The following PIEZO1 variants were observed in gnomAD, a reference collection of about 807,000 sequenced individuals.
PIEZO1 encodes piezo-type mechanosensitive ion channel component 1.
PIEZO1 carries 296 observed loss-of-function variants against 297.2 expected under a neutral mutation model. The observed-to-expected ratio is 1.00, with a 90% confidence interval of 0.91 to 1.10. The LOEUF (loss-of-function observed/expected upper bound fraction) is 1.10. PIEZO1 is among the 50% of genes least tolerant of loss of function. The pLI is 0.00. For missense variants in PIEZO1, 5,018 were observed against 3,455.5 expected (o/e 1.45, Z -11.34); for synonymous variants, 2,427 against 1,507.5 (o/e 1.61, Z -14.13).
chr16:88,758,357 G>C (rs1267894687), intron 1 of PIEZO1, among the ~76,000 whole-genome samples: 1 of 152,152 alleles, frequency 6.6e-6, no homozygotes, highest in Non-Finnish European at 1.5e-5. Flanking sequence ...TCCCAGCCTT[G>C]GCCCCAGCAG....
chr16:88,721,187 G>T lies in PIEZO1; in HGVS notation c.5647C>A (p.Arg1883=), dbSNP rs200031013. Residue 1883 remains arginine, a synonymous_variant, in exon 39 of 51, where the codon CGG becomes AGG. Coordinates refer to ENST00000301015, the MANE Select transcript of PIEZO1 (RefSeq NM_001142864.4). ...FRRRKKEGPA[R]KGAAAIEAED... is the part of the protein sequence containing the mutation. ...ATACCGATGGCTGCCGCTCCTTTCC[G>T]TGCTGGGCCCTCCTTCTTCCTTCTT... is the stretch of plus-strand genomic sequence containing the variant. 5 of 1,512,338 alleles carry T rather than the reference G, an allele frequency of 3.3e-6. No individual in the cohort carries two copies. Among genetic ancestry groups the T allele is most frequent in the East Asian group, 4.9e-5 (2 of 40,604 alleles). 93.7% of individuals were successfully genotyped at this position (1,512,338 alleles called of 1,614,324 possible).
rs750141958 is a variant in PIEZO1 at position 88,722,245 on chromosome 16, C to T, written c.4928G>A (p.Arg1643Gln). 63 of 1,547,720 alleles carry T rather than the reference C, an allele frequency of 4.1e-5. No individual in the cohort carries two copies. The highest frequency in any genetic ancestry group is 6.8e-5 in the African/African-American group (5 of 73,040). Residue 1643 changes from arginine (R) to glutamine (Q), a missense_variant, in exon 36 of 51, where the codon CGG (arginine) becomes CAG (glutamine). By Grantham distance (43) the Arg-to-Gln change is conservative. Coordinates refer to ENST00000301015, the MANE Select transcript of PIEZO1 (RefSeq NM_001142864.4). Reference sequence around the variant, plus strand: ...GTCCAGGAGCAGCTCGCTGGCCGTCCGCATCAGTCCCTGGTACAGAGAGGC... The same window carrying T: ...GTCCAGGAGCAGCTCGCTGGCCGTCTGCATCAGTCCCTGGTACAGAGAGGC... The part of the protein sequence containing the change: ...AGASLYQGLM[R>Q]TASELLLDRR...
intron 1 of PIEZO1, among the ~76,000 whole-genome samples, chr16:88,758,149 G>A (rs111682859): frequency 2.0e-5 from 3 of 152,270 alleles, no homozygotes; most frequent in African/African-American, 7.2e-5. Context: ...GTGGGTTCCT[G>A]GAAGCGGCTG....
At chr16:88,778,020 G>T (rs996723237) in intron 1 of PIEZO1, among the ~76,000 whole-genome samples, 4 of 152,226 alleles carry the variant, frequency 2.6e-5, no homozygotes, top group African/African-American at 9.6e-5. Context: ...GAGCTCCTGC[G>T]GGCCTGGGAA....
chr16:88,764,655 G>C (rs548735159), intron 1 of PIEZO1, among the ~76,000 whole-genome samples: 1 of 151,648 alleles, frequency 6.6e-6, no homozygotes, highest in South Asian at 2.1e-4. Flanking sequence ...GGAGGCTGAG[G>C]CAGGAGAATC....
chr16:88,734,631 C>T lies in PIEZO1; in HGVS notation c.1997+19G>A, dbSNP rs774632836. 8.4e-6 allele frequency: 13 copies of T among 1,549,952 alleles called. No individual in the cohort carries two copies. The highest frequency in any genetic ancestry group is 8.3e-5 in the South Asian group (7 of 84,056). On this transcript the variant is annotated intron_variant, in intron 15 of 50. Coordinates refer to ENST00000301015, the MANE Select transcript of PIEZO1 (RefSeq NM_001142864.4). ...CGGGGTTTCGGCGCCCCTGCCCCAC[C>T]GCCCCAGCCTGGACTCACTGCTCGT...
rs113439409 is a variant in PIEZO1 at position 88,717,086 on chromosome 16, G to C, written c.6597C>G (p.Ser2199=). The change falls in exon 45 of 51, where the codon TCC becomes TCG. Residue 2199 remains serine, a synonymous_variant. Transcript: ENST00000301015. ...FPLLFMSLVR[S]VVGVVNQPID... is the part of the protein sequence containing the mutation. Reference sequence around the variant, plus strand: ...TGGGCTGGTTGACAACCCCAACCACGGAGCGCACCAGCGACATGAAGAGCA... The same window carrying C: ...TGGGCTGGTTGACAACCCCAACCACCGAGCGCACCAGCGACATGAAGAGCA... 1 of 1,551,210 alleles carries C rather than the reference G, an allele frequency of 6.4e-7. No homozygotes were observed. The highest frequency in any genetic ancestry group is 2.0e-5 in the Admixed American group (1 of 51,020).
At chr16:88,784,857 C>A in intron 1 of PIEZO1, 44 bp downstream of exon 1, 1 of 1,339,064 alleles carries the variant, frequency 7.5e-7, no homozygotes, top group Non-Finnish European at 9.9e-7. Flanking sequence ...GGAGCCGAGA[C>A]GCAGCCCCCT....
Position 88,715,558 on chromosome 16 carries a change from C to G in PIEZO1, c.*47G>C. On this transcript the variant is annotated 3_prime_UTR_variant, in exon 51 of 51. Transcript: ENST00000301015. ...AGGAGTGCCGCCCCTTGTGGCCACGCTGCCCAGCAGGCCGGCTCCTTCCCT... is the reference window on the plus strand; with the variant it reads ...AGGAGTGCCGCCCCTTGTGGCCACGGTGCCCAGCAGGCCGGCTCCTTCCCT... 2.0e-6 allele frequency: 3 copies of G among 1,527,008 alleles called. No homozygotes were observed. Among genetic ancestry groups the G allele is most frequent in the Non-Finnish European group, 2.6e-6 (3 of 1,134,010 alleles). The allele number at this position is 1,527,008 out of a possible 1,614,324, so 94.6% of individuals were successfully genotyped here. A position where few individuals can be genotyped will look rare whatever the true frequency, so the allele number is the denominator to read the frequency against.
intron 1 of PIEZO1, among the ~76,000 whole-genome samples, chr16:88,752,781 G>A (rs1476179245): frequency 1.4e-5 from 2 of 147,760 alleles, no homozygotes; most frequent in South Asian, 2.1e-4. Context: ...AACGTCACCC[G>A]GCAGGGCAAG....
In PIEZO1 at chr16:88,721,627, G is replaced by T. The variant is rs753431693; in HGVS notation, c.5314C>A (p.Arg1772Ser). The T allele has an allele frequency of 6.5e-7, 1 of 1,550,112 alleles. No homozygotes were observed. The highest frequency in any genetic ancestry group is 8.7e-7 in the Non-Finnish European group (1 of 1,146,890). The change falls in exon 38 of 51, where the codon CGC becomes AGC. Residue 1772 changes from arginine (R) to serine (S), a missense_variant. By Grantham distance (110) the Arg-to-Ser change is moderately radical (BLOSUM62 -1). Transcript: ENST00000301015. Reference sequence around the variant, plus strand: ...TCAGTCTTCTCCAGGCCCAGGATGCGGGGCGGGAAGTAGGGCTTGTTCTCG... The same window carrying T: ...TCAGTCTTCTCCAGGCCCAGGATGCTGGGCGGGAAGTAGGGCTTGTTCTCG... ...RYENKPYFPPRILGLEKTDGY... is the reference protein window; with the variant it reads ...RYENKPYFPPSILGLEKTDGY...
At chr16:88,771,622 G>A (rs1420158511) in intron 1 of PIEZO1, among the ~76,000 whole-genome samples, 1 of 152,214 alleles carries the variant, frequency 6.6e-6, no homozygotes, top group Non-Finnish European at 1.5e-5. Flanking sequence ...CTAGCCATGG[G>A]GGTCCCCCTC....
In PIEZO1 at chr16:88,722,136, G is replaced by A. The variant is rs76661599; in HGVS notation, c.4956-70C>T. On this transcript the variant is annotated intron_variant, in intron 36 of 50. Transcript: ENST00000301015. ...AGGCATGACGGCCCGATCTGTTGCC[G>A]GTCACAGTCAGTCTCCTGCCCCTGT... 194,772 of 1,520,766 alleles carry A rather than the reference G, an allele frequency of 0.13. 14,160 individuals carry two copies. The highest frequency in any genetic ancestry group is 0.15 in the Non-Finnish European group (169,373 of 1,132,512). 94.2% of individuals were successfully genotyped at this position (1,520,766 alleles called of 1,614,324 possible).
intron 20 of PIEZO1, 32 bp downstream of exon 20, chr16:88,732,575 C>T (rs1373931677): frequency 1.9e-6 from 3 of 1,542,860 alleles, no homozygotes; most frequent in East Asian, 4.9e-5. Flanking sequence ...GGGTACTCGC[C>T]CGCCCAGCCG....
In PIEZO1 at chr16:88,721,667, C is replaced by T. The variant is rs909412618; in HGVS notation, c.5274G>A (p.Val1758=). The change falls in exon 38 of 51, where the codon GTG becomes GTA. Residue 1758 remains valine, a synonymous_variant. Coordinates refer to ENST00000301015, the MANE Select transcript of PIEZO1 (RefSeq NM_001142864.4). ...GCTTGTTCTCGTAGCGCCGCAGCAC[C>T]ACGTGGCTGTTCCAGGGGAAGAACC... ...QFGFFPWNSH[V]VLRRYENKPY... 5.8e-6 allele frequency: 9 copies of T among 1,549,900 alleles called. No homozygotes were observed. The highest frequency in any genetic ancestry group is 6.1e-6 in the Non-Finnish European group (7 of 1,146,846).
intron 2 of PIEZO1, among the ~76,000 whole-genome samples, chr16:88,747,572 A>T (rs1190152684): frequency 6.6e-6 from 1 of 152,212 alleles, no homozygotes; most frequent in Admixed American, 6.5e-5. Flanking sequence ...AGCTAGGAGG[A>T]GCCTCTGGGA....
intron 44 of PIEZO1, chr16:88,717,887 CTTTGAGGTCAGGAG>C: frequency 2.4e-6 from 1 of 412,252 alleles, no homozygotes; most frequent in Admixed American, 3.3e-5. Flanking sequence ...CATCCCAGCA[CTTTGAGGTCAGGAG>C]TTTGAGACGA....
intron 2 of PIEZO1, 199 bp from the exon 3 acceptor site, chr16:88,742,621 G>A (rs1905760600): frequency 1.7e-6 from 1 of 573,970 alleles, no homozygotes; most frequent in Non-Finnish European, 3.0e-6. Context: ...TTGTCACAAG[G>A]AGCCGGGCAT....
rs1014788634 is a variant in PIEZO1 at position 88,723,368 on chromosome 16, C to A, written c.4336-40G>T. The stretch of plus-strand genomic sequence containing the variant: ...CCGGGTTAGGACCCGGCCTCCCGAG[C>A]CATCAGACCCAGGCGGGAAGCTGGG... On this transcript the variant is annotated intron_variant, in intron 31 of 50. Transcript: ENST00000301015. 4 of 1,533,976 alleles carry A rather than the reference C, an allele frequency of 2.6e-6. No individual in the cohort carries two copies. The African/African-American group carries it at 5.5e-5, about 21-fold the overall frequency.
Sources: gnomAD v4.1 joint callset for allele counts (sites outside exome capture counted in the v4.1 genomes callset) on GRCh38, gnomAD v4.1.1 for gene constraint, MANE v1.5 for transcripts, NCBI Gene and HGNC (gene_info 2026-07-23, HGNC 2026-07-21) for gene names.